TLR7: variants seen among roughly 807,000 people sequenced by gnomAD.
The protein encoded by TLR7 is toll-like receptor 7.
Under a neutral mutation model 38.3 loss-of-function variants are expected in TLR7, and 12 were observed. That is an observed-to-expected ratio of 0.31 (90% confidence interval 0.20 to 0.51). The LOEUF is 0.51. TLR7 is among the 20% of genes least tolerant of loss of function. The pLI, the probability that TLR7 is intolerant of heterozygous loss-of-function variation, is 0.98. For missense variants in TLR7, 504 were observed against 743.4 expected, an observed-to-expected ratio of 0.68 and a Z score of 3.74; for synonymous variants, 285 against 293.8, an observed-to-expected ratio of 0.97 and a Z score of 0.31.
chrX:12,870,403 C>G (rs1270854736), intron 2 of TLR7, among the ~76,000 whole-genome samples: 3 of 111,977 alleles, frequency 2.7e-5, no homozygotes, highest in African/African-American at 9.7e-5. Context: ...TGCTCTTAAC[C>G]TATAGGAAAT....
At chrX:12,868,218 G>A (rs1259097935) in intron 2 of TLR7, among the ~76,000 whole-genome samples, 1 of 111,967 alleles carries the variant, frequency 8.9e-6, no homozygotes, top group Non-Finnish European at 1.9e-5. Context: ...AGGGTAAAAG[G>A]ATTCTGGCTA....
Position 12,887,799 on chromosome X carries a change from A to T in TLR7, c.2291A>T (p.Lys764Met), listed in dbSNP as rs200556781. 25 of 1,210,859 alleles carry T rather than the reference A, an allele frequency of 2.1e-5. No individual in the cohort carries two copies. The highest frequency in any genetic ancestry group is 2.8e-5 in the Non-Finnish European group (25 of 895,438). ...LSSNKIQMIQKTSFPENVLNN... is the reference protein window; with the variant it reads ...LSSNKIQMIQMTSFPENVLNN... ...TCAAATAAAATCCAGATGATCCAAA[A>T]GACCAGCTTCCCAGAAAATGTCCTC... The change falls in exon 3 of 3, where the codon AAG becomes ATG. Residue 764 changes from lysine (K) to methionine (M), a missense_variant. Physicochemically the swap from Lys to Met is moderately conservative, Grantham distance 95. Coordinates refer to ENST00000380659, the MANE Select transcript of TLR7 (RefSeq NM_016562.4).
At chrX:12,875,226 T>A (rs963597591) in intron 2 of TLR7, among the ~76,000 whole-genome samples, 3 of 111,706 alleles carry the variant, frequency 2.7e-5, no homozygotes, top group African/African-American at 9.8e-5. Context: ...CACCATAGAT[T>A]TCCCTGACAG....
At chrX:12,877,162 G>C (rs2042874412) in intron 2 of TLR7, among the ~76,000 whole-genome samples, 1 of 111,476 alleles carries the variant, frequency 9.0e-6, no homozygotes, top group Non-Finnish European at 1.9e-5. Flanking sequence ...ATCTTCTCTA[G>C]ATGGTCTTTT....
intron 1 of TLR7, 92 bp from the exon 2 acceptor site, chrX:12,867,389 C>T (rs2042837719): frequency 2.6e-6 from 1 of 380,447 alleles, no homozygotes; most frequent in Non-Finnish European, 4.7e-6. Context: ...ATGTTTCAAA[C>T]GCATTTTAAA....
chrX:12,879,508 T>C (rs1008574705), intron 2 of TLR7, among the ~76,000 whole-genome samples: 2 of 112,064 alleles, frequency 1.8e-5, no homozygotes, highest in African/African-American at 6.5e-5. Flanking sequence ...TGAGGTCATA[T>C]AAGGAAGGAT....
chrX:12,888,319 G>T lies in TLR7; in HGVS notation c.2811G>T (p.Gln937His). ...AGGAAAGGGACTGGTTACCAGGGCA[G>T]CCAGTTCTGGAAAACCTTTCCCAGA... ...CLEERDWLPG[Q>H]PVLENLSQSI... Residue 937 changes from glutamine (Q) to histidine (H), a missense_variant, in exon 3 of 3, where the codon CAG (glutamine) becomes CAT (histidine). Transcript: ENST00000380659. 8.3e-7 allele frequency: 1 copy of T among 1,211,662 alleles called. No individual in the cohort carries two copies. The highest frequency in any genetic ancestry group is 1.7e-5 in the African/African-American group (1 of 57,772).
In TLR7 at chrX:12,885,655, G is replaced by A. The variant is rs2042907867; in HGVS notation, c.147G>A (p.Val49=). ...ATGTTCCAAAGAACCATGTGATCGTGGACTGCACAGACAAGCATTTGACAG... is the reference window on the plus strand; with the variant it reads ...ATGTTCCAAAGAACCATGTGATCGTAGACTGCACAGACAAGCATTTGACAG... ...TLDVPKNHVI[V]DCTDKHLTEI... is the part of the protein sequence containing the mutation. The change falls in exon 3 of 3, where the codon GTG becomes GTA. Residue 49 remains valine (V), a synonymous_variant. Coordinates refer to ENST00000380659, the MANE Select transcript of TLR7 (RefSeq NM_016562.4). The A allele has an allele frequency of 8.3e-7, 1 of 1,211,737 alleles. No individual in the cohort carries two copies. The highest frequency in any genetic ancestry group is 3.0e-5 in the East Asian group (1 of 33,855).
Position 12,888,028 on chromosome X carries a change from G to A in TLR7, c.2520G>A (p.Leu840=), listed in dbSNP as rs61734443. Residue 840 remains leucine, a synonymous_variant, in exon 3 of 3, where the codon CTG becomes CTA. Transcript: ENST00000380659. The stretch of plus-strand genomic sequence containing the variant: ...CCTGTGAGTTAGATCTGACTAACCT[G>A]ATTCTGTTCTCACTTTCCATATCTG... ...LYTCELDLTN[L]ILFSLSISVS... is the part of the protein sequence containing the mutation. 104 of 1,209,895 alleles carry A rather than the reference G, an allele frequency of 8.6e-5. No homozygotes were observed. Among genetic ancestry groups the A allele is most frequent in the Admixed American group, 8.7e-5 (4 of 45,800 alleles).
chrX:12,877,880 A>G (rs1222401216), intron 2 of TLR7, among the ~76,000 whole-genome samples: 2 of 111,602 alleles, frequency 1.8e-5, no homozygotes, highest in Admixed American at 9.6e-5. Flanking sequence ...ATTCCTTACT[A>G]TTTATACTAG....
At chrX:12,881,542 T>TG (rs2042892189) in intron 2 of TLR7, among the ~76,000 whole-genome samples, 3 of 98,508 alleles carry the variant, frequency 3.0e-5, no homozygotes, top group African/African-American at 1.4e-4. Flanking sequence ...TAATAAATAA[T>TG]AAATGAGTTA....
In TLR7 at chrX:12,886,835, G is replaced by A; in HGVS notation, c.1327G>A (p.Gly443Ser). 2 of 1,210,662 alleles carry A rather than the reference G, an allele frequency of 1.7e-6. No homozygotes were observed. The highest frequency in any genetic ancestry group is 2.2e-6 in the Non-Finnish European group (2 of 894,888). ...ACCTTCAGGAGATTCAAGTGAAGTT[G>A]GCTTCTGCTCAAATGCCAGAACTTC... ...ISPSGDSSEV[G>S]FCSNARTSVE... Residue 443 changes from glycine to serine, a missense_variant, in exon 3 of 3, where the codon GGC (glycine) becomes AGC (serine). Physicochemically the swap from Gly to Ser is moderately conservative, Grantham distance 56. Coordinates refer to ENST00000380659, the MANE Select transcript of TLR7 (RefSeq NM_016562.4).
intron 2 of TLR7, chrX:12,877,354 G>A (rs2042876030): frequency 1.0e-5 from 1 of 100,085 alleles, no homozygotes; most frequent in Non-Finnish European, 2.0e-5. Context: ...TCCAACCTGT[G>A]AGCTAAGAAT....
At chrX:12,882,753 C>T (rs1047774037) in intron 2 of TLR7, among the ~76,000 whole-genome samples, 8 of 112,195 alleles carry the variant, frequency 7.1e-5, no homozygotes, top group Admixed American at 3.8e-4. Context: ...TCCCTGATCA[C>T]GAAAACACTT....
intron 2 of TLR7, among the ~76,000 whole-genome samples, chrX:12,884,403 A>G (rs770631234): frequency 5.4e-4 from 61 of 112,445 alleles, no homozygotes; most frequent in African/African-American, 1.9e-3. Context: ...TCCATGCGTA[A>G]GTACTAAACT....
chrX:12,882,161 G>A (rs749441682), intron 2 of TLR7, among the ~76,000 whole-genome samples: 7 of 112,046 alleles, frequency 6.2e-5, no homozygotes, highest in Non-Finnish European at 1.3e-4. Context: ...ATGGCTCAAG[G>A]TCAGAGAGGT....
chrX:12,883,327 G>A (rs1302741127), intron 2 of TLR7, among the ~76,000 whole-genome samples: 1 of 111,967 alleles, frequency 8.9e-6, no homozygotes, highest in African/African-American at 3.3e-5. Flanking sequence ...AGGATAAGTA[G>A]AAATCTGGTG....
intron 2 of TLR7, among the ~76,000 whole-genome samples, chrX:12,878,948 G>T (rs1375688611): frequency 8.9e-6 from 1 of 112,132 alleles, no homozygotes; most frequent in African/African-American, 3.2e-5. Context: ...GTAAACTACA[G>T]TAGAAGTTGG....
chrX:12,878,022 G>A (rs182750245), intron 2 of TLR7, among the ~76,000 whole-genome samples: 106 of 111,780 alleles, frequency 9.5e-4, no homozygotes, highest in African/African-American at 3.0e-3. Context: ...AAAAGTTTCC[G>A]GACCTCAAAG....
Sources: allele counts gnomAD v4.1 joint callset (sites outside exome capture counted in the v4.1 genomes callset), GRCh38; gene constraint gnomAD v4.1.1; transcripts MANE v1.5; gene names NCBI Gene and HGNC (gene_info 2026-07-23, HGNC 2026-07-21).